Variants in BFSP1 observed in about 807,000 individuals in gnomAD.
BFSP1 encodes the protein beaded filament structural protein 1.
A neutral mutation model predicts 43.9 loss-of-function variants in BFSP1; 38 were observed. The ratio of observed to expected loss-of-function variants is 0.87; its 90% CI spans 0.67 to 1.14. The LOEUF is 1.14. Ranked by LOEUF, BFSP1 falls within the 50% of genes most tolerant of loss-of-function variation. The probability of loss-of-function intolerance (pLI) is 0.00; values close to 1 mark genes in which losing one functional copy is unlikely to be tolerated. For missense variants in BFSP1, 850 were observed against 875.1 expected (o/e 0.97, Z 0.36); for synonymous variants, 352 against 354.8 (o/e 0.99, Z 0.09).
At chr20:17,506,586 C>T (rs1297663642) in intron 5 of BFSP1, among the ~76,000 whole-genome samples, 21 of 149,172 alleles carry the variant, frequency 1.4e-4, no homozygotes, top group Non-Finnish European at 2.7e-4. Flanking sequence ...TGCAGTGGCT[C>T]AGTCTCAGCT....
upstream of BFSP1, among the ~76,000 whole-genome samples, chr20:17,532,184 G>A (rs371439713): frequency 6.6e-6 from 1 of 152,202 alleles, no homozygotes; most frequent in Non-Finnish European, 1.5e-5. Flanking sequence ...AGGCCGAGGC[G>A]GGCGGATCAC....
chr20:17,497,605 T>TATAC (rs1568679813), intron 6 of BFSP1, among the ~76,000 whole-genome samples: 1 of 121,876 alleles, frequency 8.2e-6, no homozygotes, highest in East Asian at 2.5e-4. Context: ...TGTATATATA[T>TATAC]ACGTATATAT....
intron 7 of BFSP1, among the ~76,000 whole-genome samples, chr20:17,496,271 A>G (rs531877068): frequency 6.6e-6 from 1 of 152,338 alleles, no homozygotes; most frequent in African/African-American, 2.4e-5. Context: ...AGCTATCTGG[A>G]AATAAGGATT....
In BFSP1 at chr20:17,498,823, T is replaced by C; in HGVS notation, c.953A>G (p.Asn318Ser). ...GATGGGGAGGGCACACGCTCACCTG[T>C]TGCCTTCAATCTCGATGATACGATG... is the stretch of plus-strand genomic sequence containing the variant. ...RYHRIIEIEG[N>S]RLTSAFIETP... The change falls in exon 6 of 8, where the codon AAC becomes AGC. Residue 318 changes from asparagine (N) to serine (S), a missense_variant. By Grantham distance (46) the Asn-to-Ser change is conservative (BLOSUM62 1). Transcript: ENST00000377873. 6.2e-7 allele frequency: 1 copy of C among 1,612,408 alleles called. No individual in the cohort carries two copies. Among genetic ancestry groups the C allele is most frequent in the South Asian group, 1.1e-5 (1 of 90,948 alleles).
In BFSP1 at chr20:17,514,742, C is replaced by G. The variant is rs371432346; in HGVS notation, c.513G>C (p.Ala171=). The change falls in exon 3 of 8, where the codon GCG becomes GCC. Residue 171 remains alanine (A), a synonymous_variant. Coordinates refer to ENST00000377873, the MANE Select transcript of BFSP1 (RefSeq NM_001195.5). ...TTACCTTCTTGTGCCTGTCCTTTGC[C>G]GCACTGATATCATCTTGCAGAAATT... ...EAQFLQDDIS[A]AKDRHKKNLL... 1.2e-6 allele frequency: 2 copies of G among 1,613,866 alleles called. No individual in the cohort carries two copies. Among genetic ancestry groups the G allele is most frequent in the Non-Finnish European group, 1.7e-6 (2 of 1,179,912 alleles).
At chr20:17,510,555 A>G (rs1230363550) in intron 4 of BFSP1, among the ~76,000 whole-genome samples, 1 of 152,206 alleles carries the variant, frequency 6.6e-6, no homozygotes, top group Non-Finnish European at 1.5e-5. Context: ...ATGCCAAAAA[A>G]AGTAACTTTC....
intron 3 of BFSP1, among the ~76,000 whole-genome samples, chr20:17,514,125 A>C (rs752934510): frequency 3.3e-5 from 5 of 152,232 alleles, no homozygotes; most frequent in Non-Finnish European, 5.9e-5. Context: ...CAGGTCTGCT[A>C]CACTACTTCA....
chr20:17,546,531 G>A (rs1241081066), intron 1 of BFSP1, among the ~76,000 whole-genome samples: 1 of 151,930 alleles, frequency 6.6e-6, no homozygotes, highest in Admixed American at 6.6e-5. Context: ...TTGAAACCCC[G>A]TTTCTACTAA....
At chr20:17,531,502 A>G, upstream of BFSP1, 1 of 984,950 alleles carries the variant, frequency 1.0e-6, no homozygotes, top group Non-Finnish European at 1.3e-6. Context: ...AGAAGAAAAG[A>G]GCAGCGGCCC....
chr20:17,541,976 GAC>G (rs1244092497), intron 1 of BFSP1, among the ~76,000 whole-genome samples: 3 of 152,144 alleles, frequency 2.0e-5, no homozygotes, highest in East Asian at 1.9e-4. Context: ...GTTTTGGGGT[GAC>G]ACACACAGTG....
Position 17,515,700 on chromosome 20 carries a change from A to G in BFSP1, c.439-884T>C, listed in dbSNP as rs2034183569. Among the ~76,000 whole-genome samples, 3 of 152,190 alleles carry G rather than the reference A, an allele frequency of 2.0e-5. No homozygotes were observed. In the South Asian group the frequency reaches 6.2e-4, roughly 32 times the overall value. ...TATACTTTGGCATCTTCGGTGTGAT[A>G]TTACAGGTGAGCATTACTTGGGTTC... On this transcript the variant is annotated intron_variant, in intron 2 of 7. Transcript: ENST00000377873.
At chr20:17,495,535 C>G (rs1320521709) in intron 7 of BFSP1, among the ~76,000 whole-genome samples, 1 of 152,166 alleles carries the variant, frequency 6.6e-6, no homozygotes, top group Non-Finnish European at 1.5e-5. Flanking sequence ...GGAGATGGAA[C>G]CCGTTCACGG....
At position 17,531,182 on chromosome 20, in the gene BFSP1, G is replaced by A; in HGVS notation, c.148C>T (p.Arg50Cys). The A allele has an allele frequency of 3.9e-6, 5 of 1,290,240 alleles. No homozygotes were observed. Among genetic ancestry groups the A allele is most frequent in the East Asian group, 3.3e-5 (1 of 30,700 alleles). The allele number at this position is 1,290,240 out of a possible 1,614,324, so 79.9% of individuals were successfully genotyped here. A position where few individuals can be genotyped will look rare whatever the true frequency, so the allele number is the denominator to read the frequency against. Reference sequence around the variant, plus strand: ...GCCCGCTGGACGTGGGCGGCCACGCGCTCGCCGAGCCCCTGCAGCGCCGCC... The same window carrying A: ...GCCCGCTGGACGTGGGCGGCCACGCACTCGCCGAGCCCCTGCAGCGCCGCC... Reference protein sequence around the residue: ...SLAALQGLGERVAAHVQRARA... With the variant: ...SLAALQGLGECVAAHVQRARA... Residue 50 changes from arginine to cysteine, a missense_variant, in exon 1 of 8, where the codon CGC becomes TGC. By Grantham distance (180) the Arg-to-Cys change is radical. Transcript: ENST00000377873.
intron 1 of BFSP1, among the ~76,000 whole-genome samples, chr20:17,550,460 T>C (rs2123579874): frequency 8.8e-6 from 1 of 114,260 alleles, no homozygotes; most frequent in Admixed American, 1.1e-4. Flanking sequence ...ATGACTATAA[T>C]CCTTTTTTTT....
intron 1 of BFSP1, among the ~76,000 whole-genome samples, chr20:17,538,719 C>A (rs2034669585): frequency 6.6e-6 from 1 of 152,184 alleles, no homozygotes. Context: ...GCAGCCCTTC[C>A]CATGACCTCA....
chr20:17,525,006 C>G lies in BFSP1; in HGVS notation c.378-98G>C, dbSNP rs968222273. 4.7e-6 allele frequency: 5 copies of G among 1,075,012 alleles called. No individual in the cohort carries two copies. The highest frequency in any genetic ancestry group is 7.2e-6 in the Non-Finnish European group (5 of 690,560). The allele number at this position is 1,075,012 out of a possible 1,614,324, so 66.6% of individuals were successfully genotyped here. ...TTAAATTCAACCTGGGTACGATGCCCTCTCCTTTAAGGAGAGGGTCTTAAT... is the reference window on the plus strand; with the variant it reads ...TTAAATTCAACCTGGGTACGATGCCGTCTCCTTTAAGGAGAGGGTCTTAAT... On this transcript the variant is annotated intron_variant, in intron 1 of 7. Transcript: ENST00000377873. This position sits in a 1 kb window ranked among gnomAD's most constrained non-coding sequence, Gnocchi z 4.2.
upstream of BFSP1, among the ~76,000 whole-genome samples, chr20:17,534,711 G>A (rs1158587110): frequency 6.6e-6 from 1 of 152,176 alleles, no homozygotes; most frequent in East Asian, 1.9e-4. Flanking sequence ...GGAGACTGAA[G>A]AGACAGGACA....
chr20:17,531,426 C>A, upstream of BFSP1: 1 of 1,244,688 alleles, frequency 8.0e-7, no homozygotes, highest in Non-Finnish European at 1.0e-6. Flanking sequence ...CGGAGGCCCC[C>A]GGCGCGCTGC....
chr20:17,535,099 G>C (rs1279554078), upstream of BFSP1, among the ~76,000 whole-genome samples: 3 of 152,084 alleles, frequency 2.0e-5, no homozygotes, highest in Admixed American at 2.0e-4. Flanking sequence ...TGCTATAAAG[G>C]TTATCACTAG....
Sources: gnomAD v4.1 joint callset for allele counts (sites outside exome capture counted in the v4.1 genomes callset) on GRCh38, gnomAD v4.1.1 for gene constraint, Gnocchi (gnomAD v3.1) non-coding constraint, MANE v1.5 for transcripts, NCBI Gene and HGNC (gene_info 2026-07-23, HGNC 2026-07-21) for gene names.